Variants in NR4A1 observed in about 807,000 individuals in gnomAD.
NR4A1 encodes nuclear receptor subfamily 4immunitygroup A member 1.
In NR4A1, 24 loss-of-function variants were observed where a neutral mutation model predicts 47.5. The ratio of observed to expected loss-of-function variants is 0.50; its 90% CI spans 0.37 to 0.71. The LOEUF (loss-of-function observed/expected upper bound fraction) is 0.71. Among genes scored for constraint, NR4A1 ranks in the 30% least tolerant of loss-of-function variants. The probability of loss-of-function intolerance (pLI) is 0.00; values close to 1 mark genes in which losing one functional copy is unlikely to be tolerated. For missense variants in NR4A1, 669 were observed against 788.6 expected (o/e 0.85, Z 1.82); for synonymous variants, 353 against 345.7 (o/e 1.02, Z -0.24).
chr12:52,058,568 G>T, intron 6 of NR4A1, 120 bp from the exon 7 acceptor site: 1 of 1,328,592 alleles, frequency 7.5e-7, no homozygotes, highest in Non-Finnish European at 1.0e-6. Flanking sequence ...ATGCGCTTTT[G>T]TGAAGTGCCA....
chr12:52,048,374 C>T (rs1199605315), upstream of NR4A1, among the ~76,000 whole-genome samples: 1 of 151,876 alleles, frequency 6.6e-6, no homozygotes, highest in East Asian at 1.9e-4. Context: ...GCGGGCAGAT[C>T]ACAAGGTCAG....
At chr12:52,033,185 C>T (rs574633043) in intron 1 of NR4A1, among the ~76,000 whole-genome samples, 1 of 152,290 alleles carries the variant, frequency 6.6e-6, no homozygotes, top group Admixed American at 6.5e-5. Context: ...CCCCGCCCAG[C>T]CCGGCCGCCC....
chr12:52,055,292 T>C lies in NR4A1; in HGVS notation c.876+88T>C. 10 of 1,541,992 alleles carry C rather than the reference T, an allele frequency of 6.5e-6. 1 individual carries two copies. The highest frequency in any genetic ancestry group is 8.7e-6 in the Non-Finnish European group (10 of 1,143,328). On this transcript the variant is annotated intron_variant, in intron 2 of 6. Coordinates refer to ENST00000394825, the MANE Select transcript of NR4A1 (RefSeq NM_173157.3). ...TGGGACCTGTGGTCTCCCCCTGGGT[T>C]CTCCTCCTAGCTAAGTCCTGTCCTG... is the stretch of plus-strand genomic sequence containing the variant.
chr12:52,024,944 GCA>G (rs1489271164), intron 1 of NR4A1, among the ~76,000 whole-genome samples: 1 of 152,166 alleles, frequency 6.6e-6, no homozygotes, highest in Non-Finnish European at 1.5e-5. Context: ...ACAGCCCAGT[GCA>G]TGCTGGTTAG....
intron 6 of NR4A1, chr12:52,058,486 T>A (rs939544016): frequency 3.1e-6 from 2 of 654,156 alleles, no homozygotes; most frequent in Non-Finnish European, 4.9e-6. Context: ...GGGTTCTCAC[T>A]TGGAGTATGA....
At chr12:52,032,629 C>T (rs1938150515) in intron 1 of NR4A1, among the ~76,000 whole-genome samples, 1 of 152,312 alleles carries the variant, frequency 6.6e-6, no homozygotes, top group East Asian at 1.9e-4. Context: ...TTGTTCTGTG[C>T]TGTGCTGTGT....
At chr12:52,040,977 T>A (rs898398572) in intron 1 of NR4A1, among the ~76,000 whole-genome samples, 1 of 151,176 alleles carries the variant, frequency 6.6e-6, no homozygotes, top group East Asian at 1.9e-4. Flanking sequence ...CTGAATGGGG[T>A]TGGGGGAGAG....
Position 52,028,630 on chromosome 12 carries a change from G to T in NR4A1, c.-84+5691G>T, listed in dbSNP as rs1186356497. Among the ~76,000 whole-genome samples the T allele has an allele frequency of 2.0e-5, 3 of 152,040 alleles. No homozygotes were observed. In the East Asian group the frequency reaches 5.8e-4, roughly 30 times the overall value. On this transcript the variant is annotated intron_variant, in intron 1 of 7. Coordinates refer to the NR4A1 transcript ENST00000360284. ...TTAAAAGACAAAAAGACCAGGCCAG[G>T]CGCGGTAGCTCATGCCTGTAATCCC...
At chr12:52,052,895 T>C (rs1465419537) in intron 1 of NR4A1, among the ~76,000 whole-genome samples, 1 of 152,180 alleles carries the variant, frequency 6.6e-6, no homozygotes, top group African/African-American at 2.4e-5. Context: ...CTGGTGCCAC[T>C]GGGTGTGTGG....
At chr12:52,052,803 C>A (rs1341655403) in intron 1 of NR4A1, among the ~76,000 whole-genome samples, 1 of 152,228 alleles carries the variant, frequency 6.6e-6, no homozygotes, top group Non-Finnish European at 1.5e-5. Flanking sequence ...TCCTTCACCC[C>A]CAGCCCATCC....
chr12:52,023,815 G>T (rs907078811), intron 1 of NR4A1, among the ~76,000 whole-genome samples: 56 of 152,352 alleles, frequency 3.7e-4, no homozygotes, highest in African/African-American at 1.3e-3. Context: ...CGCTGCAAAG[G>T]GGCGGGTCCT....
chr12:52,049,663 CAA>C (rs1210962034), upstream of NR4A1, among the ~76,000 whole-genome samples: 20 of 152,164 alleles, frequency 1.3e-4, no homozygotes, highest in East Asian at 2.3e-3. Context: ...TCAAAGACAA[CAA>C]AACAAAACAA....
At chr12:52,041,752 C>G (rs1938447245) in intron 1 of NR4A1, 1 of 1,259,090 alleles carries the variant, frequency 7.9e-7, no homozygotes, top group Non-Finnish European at 1.0e-6. Context: ...CATGCTGTCT[C>G]CAGGGAATGT....
chr12:52,032,472 T>G (rs554571966), intron 1 of NR4A1, among the ~76,000 whole-genome samples: 2 of 152,356 alleles, frequency 1.3e-5, no homozygotes, highest in South Asian at 4.1e-4. Flanking sequence ...TAAATCTTTT[T>G]CTATATCTCT....
chr12:52,031,109 G>T (rs962675172), intron 1 of NR4A1, among the ~76,000 whole-genome samples: 1 of 152,058 alleles, frequency 6.6e-6, no homozygotes, highest in Non-Finnish European at 1.5e-5. Flanking sequence ...TCAGACTCCT[G>T]GGCTCAAGTG....
intron 1 of NR4A1, among the ~76,000 whole-genome samples, chr12:52,029,624 G>C (rs1938075063): frequency 6.6e-6 from 1 of 152,170 alleles, no homozygotes; most frequent in Admixed American, 6.5e-5. Flanking sequence ...GGAGGCTGAG[G>C]CTGCAATGAG....
At chr12:52,043,896 C>T (rs931848586) in intron 2 of NR4A1, 25 of 1,289,072 alleles carry the variant, frequency 1.9e-5, no homozygotes, top group Admixed American at 4.6e-5. Context: ...CAAAGCAGAT[C>T]GTGAGGAGGA....
chr12:52,038,089 G>C (rs1180004657), intron 1 of NR4A1: 1 of 974,866 alleles, frequency 1.0e-6, no homozygotes, highest in Non-Finnish European at 1.2e-6. Flanking sequence ...TTTTGAGATG[G>C]AGTCTCGCTC....
At position 52,059,010 on chromosome 12, in the gene NR4A1, C is replaced by T. The variant is rs564212218; in HGVS notation, c.*66C>T. On this transcript the variant is annotated 3_prime_UTR_variant, in exon 7 of 7. Coordinates refer to ENST00000394825, the MANE Select transcript of NR4A1 (RefSeq NM_173157.3). ...TGCCACCCCATGTGCCTTTAGTCCA[C>T]GGACCCCCAGAGCACCCCCAAGCCT... 26 of 1,536,230 alleles carry T rather than the reference C, an allele frequency of 1.7e-5. No individual in the cohort carries two copies. The highest frequency in any genetic ancestry group is 1.6e-4 in the East Asian group (7 of 43,494).
Sources: gnomAD v4.1 joint callset for allele counts (sites outside exome capture counted in the v4.1 genomes callset) on GRCh38, gnomAD v4.1.1 for gene constraint, MANE v1.5 for transcripts, NCBI Gene and HGNC (gene_info 2026-07-23, HGNC 2026-07-21) for gene names.